The following LRFN2 variants were observed in gnomAD, a reference collection of about 807,000 sequenced individuals.
The protein encoded by LRFN2 is leucine-rich repeat and fibronectin type-III domain-containing protein 2.
In LRFN2, 18 loss-of-function variants were observed where a neutral mutation model predicts 37.3. That is an observed-to-expected ratio of 0.48 (90% CI 0.33 to 0.72). The LOEUF (loss-of-function observed/expected upper bound fraction) is 0.72. Ranked by LOEUF, LRFN2 falls within the 30% of genes least tolerant of loss-of-function variation. The probability of loss-of-function intolerance (pLI) is 0.02; values close to 1 mark genes in which losing one functional copy is unlikely to be tolerated. For synonymous variants in LRFN2, 556 were observed against 466.6 expected, an observed-to-expected ratio of 1.19 and a Z score of -2.47; for missense variants, 1,006 against 1,060.7, an observed-to-expected ratio of 0.95 and a Z score of 0.72.
intron 1 of LRFN2, among the ~76,000 whole-genome samples, chr6:40,535,776 T>C (rs1352976219): frequency 6.6e-6 from 1 of 152,098 alleles, no homozygotes; most frequent in Non-Finnish European, 1.5e-5. Flanking sequence ...GAGACTCTTA[T>C]TATGCCCATC....
intron 1 of LRFN2, among the ~76,000 whole-genome samples, chr6:40,449,559 G>C (rs902991410): frequency 6.6e-6 from 1 of 152,168 alleles, no homozygotes; most frequent in African/African-American, 2.4e-5. Flanking sequence ...TAGAGCTTGA[G>C]CAGTCATCTT....
At chr6:40,445,806 C>T (rs935265034) in intron 1 of LRFN2, among the ~76,000 whole-genome samples, 1 of 152,186 alleles carries the variant, frequency 6.6e-6, no homozygotes, top group Non-Finnish European at 1.5e-5. Context: ...CTTTCTGGCC[C>T]TGTGGTCTTG....
intron 1 of LRFN2, among the ~76,000 whole-genome samples, chr6:40,481,961 C>T (rs1187623402): frequency 6.6e-6 from 1 of 152,222 alleles, no homozygotes; most frequent in Admixed American, 6.5e-5. Flanking sequence ...TCCAGCAACA[C>T]AGTAAGCTGG....
intron 1 of LRFN2, among the ~76,000 whole-genome samples, chr6:40,544,400 A>G (rs1204543268): frequency 6.6e-6 from 1 of 151,716 alleles, no homozygotes; most frequent in South Asian, 2.1e-4. Flanking sequence ...TTGTTTCCCA[A>G]CCCCTCTTCT....
chr6:40,445,727 A>G (rs993463401), intron 1 of LRFN2, among the ~76,000 whole-genome samples: 54 of 152,338 alleles, frequency 3.5e-4, no homozygotes, highest in African/African-American at 1.3e-3. Context: ...AGTGGTAGGC[A>G]CATGGCCTCT....
intron 1 of LRFN2, among the ~76,000 whole-genome samples, chr6:40,499,441 C>A (rs191873986): frequency 2.0e-5 from 3 of 151,924 alleles, no homozygotes; most frequent in Non-Finnish European, 4.4e-5. Context: ...GTGCTTTGGG[C>A]GGAAAGCTGA....
In LRFN2 at chr6:40,391,830, G is replaced by C; in HGVS notation, c.*113C>G. 1 of 1,178,526 alleles carries C rather than the reference G, an allele frequency of 8.5e-7. No homozygotes were observed. Among genetic ancestry groups the C allele is most frequent in the South Asian group, 1.9e-5 (1 of 52,074 alleles). The allele number at this position is 1,178,526 out of a possible 1,614,324, so 73.0% of individuals were successfully genotyped here. On this transcript the variant is annotated 3_prime_UTR_variant, in exon 3 of 3. Coordinates refer to ENST00000338305, the MANE Select transcript of LRFN2 (RefSeq NM_020737.3). The stretch of plus-strand genomic sequence containing the variant: ...GACACGAGGCCATTGACAGGGAGAC[G>C]AAACTGTCCCTGGATGTAAACATCA...
chr6:40,405,723 C>T (rs1034354757), intron 2 of LRFN2, among the ~76,000 whole-genome samples: 1 of 152,160 alleles, frequency 6.6e-6, no homozygotes, highest in African/African-American at 2.4e-5. Flanking sequence ...TGGGTCCCCC[C>T]TCCAACCCCC....
intron 1 of LRFN2, among the ~76,000 whole-genome samples, chr6:40,435,040 T>TAG (rs1386329265): frequency 1.3e-3 from 120 of 93,678 alleles, no homozygotes; most frequent in Non-Finnish European, 1.8e-3. Flanking sequence ...TATATATATA[T>TAG]ATATATATAT....
Position 40,432,311 on chromosome 6 carries a change from G to A in LRFN2, c.803C>T (p.Pro268Leu), listed in dbSNP as rs1348446999. ...GAAGTAGCGACCCTTGAGGCCCCCT[G>A]GGGAGCCACAGGTTTCCAGGTCATC... ...RDDDLETCGS[P>L]GGLKGRYFWH... The change falls in exon 2 of 3, where the codon CCA (proline) becomes CTA (leucine). Residue 268 changes from proline (P) to leucine (L), a missense_variant. Physicochemically the swap from Pro to Leu is moderately conservative, Grantham distance 98. Transcript: ENST00000338305. The A allele has an allele frequency of 1.2e-6, 2 of 1,613,996 alleles. No homozygotes were observed. Among genetic ancestry groups the A allele is most frequent in the Non-Finnish European group, 1.7e-6 (2 of 1,180,046 alleles).
intron 1 of LRFN2, among the ~76,000 whole-genome samples, chr6:40,502,957 C>A (rs1765426430): frequency 1.3e-5 from 2 of 152,194 alleles, no homozygotes; most frequent in African/African-American, 4.8e-5. Context: ...GGAGATTCAG[C>A]ATGCCAGCAG....
At chr6:40,530,509 G>A (rs1322251962) in intron 1 of LRFN2, among the ~76,000 whole-genome samples, 1 of 152,038 alleles carries the variant, frequency 6.6e-6, no homozygotes. Flanking sequence ...GCAACATATG[G>A]CCCTGTTGGC....
At chr6:40,558,681 A>G (rs892445351) in intron 1 of LRFN2, among the ~76,000 whole-genome samples, 1 of 152,196 alleles carries the variant, frequency 6.6e-6, no homozygotes, top group African/African-American at 2.4e-5. Context: ...TGTCTTTATC[A>G]TTATTGTTAG....
chr6:40,404,843 T>A (rs1479377531), intron 2 of LRFN2, among the ~76,000 whole-genome samples: 1 of 152,188 alleles, frequency 6.6e-6, no homozygotes, highest in Non-Finnish European at 1.5e-5. Flanking sequence ...ACTTCATCCC[T>A]CCTTTATGAC....
At chr6:40,398,729 G>C (rs546524130) in intron 2 of LRFN2, among the ~76,000 whole-genome samples, 1 of 152,058 alleles carries the variant, frequency 6.6e-6, no homozygotes, top group Non-Finnish European at 1.5e-5. Flanking sequence ...AAGACAATTT[G>C]AAACTGCAAC....
At chr6:40,410,620 T>TTA (rs553007678) in intron 2 of LRFN2, among the ~76,000 whole-genome samples, 270 of 152,322 alleles carry the variant, frequency 1.8e-3, no homozygotes, top group African/African-American at 6.1e-3. Flanking sequence ...AATAAATCAT[T>TTA]TATATATATA....
intron 1 of LRFN2, among the ~76,000 whole-genome samples, chr6:40,546,946 A>G (rs1766673841): frequency 6.6e-6 from 1 of 152,208 alleles, no homozygotes; most frequent in African/African-American, 2.4e-5. Context: ...TTGTCAAATG[A>G]GACAAAATAG....
At chr6:40,443,034 TA>T (rs768033464) in intron 1 of LRFN2, among the ~76,000 whole-genome samples, 6 of 152,186 alleles carry the variant, frequency 3.9e-5, no homozygotes, top group African/African-American at 7.2e-5. Flanking sequence ...AAAACAAAAA[TA>T]ATTTAGAAAA....
At chr6:40,433,245 A>T (rs9367058) in intron 1 of LRFN2, 114 bp from the exon 2 acceptor site, 85,039 of 810,486 alleles carry the variant, frequency 0.1, 5,439 homozygotes, top group Admixed American at 0.22. Flanking sequence ...TAGAATGGCA[A>T]GTGCTCAAGC....
Sources: gnomAD v4.1 joint callset for allele counts (sites outside exome capture counted in the v4.1 genomes callset) on GRCh38, gnomAD v4.1.1 for gene constraint, MANE v1.5 for transcripts, NCBI Gene and HGNC (gene_info 2026-07-23, HGNC 2026-07-21) for gene names.